SUGCT: variants seen among roughly 807,000 people sequenced by gnomAD.
The protein encoded by SUGCT is succinyl-CoA:glutarate CoA-transferase.
SUGCT carries 41 observed loss-of-function variants against 55.0 expected under a neutral mutation model. The ratio of observed to expected loss-of-function variants is 0.74; its 90% CI spans 0.58 to 0.97. The LOEUF (loss-of-function observed/expected upper bound fraction) is 0.97. Among genes scored for constraint, SUGCT ranks in the 50% least tolerant of loss-of-function variants. The probability of loss-of-function intolerance (pLI) is 0.00; values close to 1 mark genes in which losing one functional copy is unlikely to be tolerated. For missense variants in SUGCT, 568 were observed against 547.8 expected (o/e 1.04, Z -0.37); for synonymous variants, 187 against 200.4 (o/e 0.93, Z 0.56).
At chr7:40,340,423 A>G (rs1796981719) in intron 9 of SUGCT, among the ~76,000 whole-genome samples, 1 of 152,318 alleles carries the variant, frequency 6.6e-6, no homozygotes, top group South Asian at 2.1e-4. Flanking sequence ...GAATGGAACT[A>G]TGATCAAATC....
chr7:40,982,605 T>G, the SUGCT span, among the ~76,000 whole-genome samples: 2 of 152,190 alleles, frequency 1.3e-5, no homozygotes, highest in Non-Finnish European at 2.9e-5. Flanking sequence ...ATATAGATTT[T>G]TAGGTTCTAT....
At chr7:40,390,938 G>A (rs1429181928) in intron 9 of SUGCT, among the ~76,000 whole-genome samples, 1 of 152,124 alleles carries the variant, frequency 6.6e-6, no homozygotes, top group Non-Finnish European at 1.5e-5. Context: ...AGACAGAGAT[G>A]TAGACCAATG....
At chr7:41,017,450 A>G in the SUGCT span, among the ~76,000 whole-genome samples, 47,264 of 152,116 alleles carry the variant, frequency 0.31, 8,262 homozygotes, top group Admixed American at 0.47. Context: ...AAGAAACAAG[A>G]CTGGAGATTA....
intron 9 of SUGCT, among the ~76,000 whole-genome samples, chr7:40,433,292 T>C (rs929669046): frequency 2.6e-5 from 4 of 152,092 alleles, no homozygotes; most frequent in African/African-American, 9.7e-5. Flanking sequence ...TAGGTTTGTT[T>C]GTTATTTATT....
At chr7:40,448,059 C>G (rs1360682196) in intron 9 of SUGCT, among the ~76,000 whole-genome samples, 1 of 152,096 alleles carries the variant, frequency 6.6e-6, no homozygotes, top group Non-Finnish European at 1.5e-5. Flanking sequence ...CAAAAAAGGA[C>G]AGACATTTTT....
At chr7:40,391,441 A>C (rs931339639) in intron 9 of SUGCT, among the ~76,000 whole-genome samples, 4 of 152,160 alleles carry the variant, frequency 2.6e-5, no homozygotes, top group African/African-American at 7.2e-5. Flanking sequence ...TTACAAGAAA[A>C]AATCAAACAA....
At chr7:40,574,869 A>G (rs1009784720) in intron 12 of SUGCT, among the ~76,000 whole-genome samples, 6 of 152,196 alleles carry the variant, frequency 3.9e-5, no homozygotes, top group Non-Finnish European at 7.3e-5. Flanking sequence ...AAATCTTCAC[A>G]ACAATCCTGG....
intron 12 of SUGCT, among the ~76,000 whole-genome samples, chr7:40,540,477 T>A (rs1429722816): frequency 6.6e-6 from 1 of 152,232 alleles, no homozygotes; most frequent in Non-Finnish European, 1.5e-5. Context: ...ATCAAGGAAG[T>A]TGCCATGATG....
At chr7:40,690,433 T>C (rs1194139780) in intron 12 of SUGCT, among the ~76,000 whole-genome samples, 1 of 152,200 alleles carries the variant, frequency 6.6e-6, no homozygotes, top group East Asian at 1.9e-4. Flanking sequence ...ATTATGTTAA[T>C]TATTGCCCAA....
chr7:40,377,763 G>C (rs988691053), intron 9 of SUGCT, among the ~76,000 whole-genome samples: 20 of 152,254 alleles, frequency 1.3e-4, no homozygotes, highest in African/African-American at 4.8e-4. Flanking sequence ...TCTGTTTAGT[G>C]TTACTTGTAG....
At chr7:40,304,762 C>A (rs10246797) in intron 8 of SUGCT, among the ~76,000 whole-genome samples, 620 of 1,410 alleles carry the variant, frequency 0.44, 37 homozygotes, top group Admixed American at 0.47. Flanking sequence ...TAATAATAAT[C>A]ATCCAGGTTG....
intron 7 of SUGCT, among the ~76,000 whole-genome samples, chr7:40,241,472 G>A (rs1380862612): frequency 6.6e-6 from 1 of 151,464 alleles, no homozygotes; most frequent in African/African-American, 2.4e-5. Flanking sequence ...CCAGCCACCC[G>A]GAAGGCTGAA....
chr7:40,214,995 A>G (rs1471915331), intron 6 of SUGCT, among the ~76,000 whole-genome samples: 1 of 152,182 alleles, frequency 6.6e-6, no homozygotes, highest in Admixed American at 6.5e-5. Context: ...GTATGTCTAC[A>G]TGAGATCAGT....
intron 13 of SUGCT, among the ~76,000 whole-genome samples, chr7:40,849,653 G>C (rs562157533): frequency 6.6e-6 from 1 of 152,208 alleles, no homozygotes; most frequent in Admixed American, 6.5e-5. Flanking sequence ...TGCATAGATT[G>C]GTTAGATTTC....
At chr7:40,142,238 GA>G (rs1788028686) in intron 1 of SUGCT, among the ~76,000 whole-genome samples, 1 of 152,132 alleles carries the variant, frequency 6.6e-6, no homozygotes, top group Non-Finnish European at 1.5e-5. Flanking sequence ...GCAGATAATT[GA>G]AAAAGGTTGC....
intron 1 of SUGCT, among the ~76,000 whole-genome samples, chr7:40,156,456 C>T (rs896294921): frequency 1.3e-5 from 2 of 151,910 alleles, no homozygotes; most frequent in Non-Finnish European, 2.9e-5. Context: ...GAGTGAGACT[C>T]TGCCTCAAAG....
chr7:40,824,760 G>A (rs1265614304), intron 13 of SUGCT, among the ~76,000 whole-genome samples: 1 of 152,188 alleles, frequency 6.6e-6, no homozygotes, highest in Non-Finnish European at 1.5e-5. Context: ...TCCCATAGTG[G>A]AAAGCAGAAG....
At chr7:40,946,767 T>C in the SUGCT span, among the ~76,000 whole-genome samples, 2 of 152,210 alleles carry the variant, frequency 1.3e-5, no homozygotes, top group African/African-American at 2.4e-5. Flanking sequence ...ATTGTGTCAT[T>C]CCACTGATTT....
At chr7:40,248,673 G>T (rs1297518038) in intron 7 of SUGCT, among the ~76,000 whole-genome samples, 1 of 152,026 alleles carries the variant, frequency 6.6e-6, no homozygotes, top group Non-Finnish European at 1.5e-5. Context: ...GGCCCCACAT[G>T]TACAATTATA....
Sources: allele counts gnomAD v4.1 joint callset (sites outside exome capture counted in the v4.1 genomes callset), GRCh38; gene constraint gnomAD v4.1.1; transcripts MANE v1.5; gene names NCBI Gene and HGNC (gene_info 2026-07-23, HGNC 2026-07-21).